RFC1: variants seen among roughly 807,000 people sequenced by gnomAD.
RFC1 encodes the protein A1 140 kDa subunit.
A neutral mutation model predicts 137.4 loss-of-function variants in RFC1; 37 were observed. The ratio of observed to expected loss-of-function variants is 0.27; its 90% confidence interval spans 0.21 to 0.35. The LOEUF is 0.35. Among genes scored for constraint, RFC1 ranks in the 10% least tolerant of loss-of-function variants. The pLI is 1.00. For synonymous variants in RFC1, 429 were observed against 455.7 expected, an observed-to-expected ratio of 0.94 and a Z score of 0.75; for missense variants, 1,205 against 1,358.5, an observed-to-expected ratio of 0.89 and a Z score of 1.78.
chr4:39,365,087 T>TA (rs1207558303), intron 1 of RFC1, among the ~76,000 whole-genome samples: 1 of 135,698 alleles, frequency 7.4e-6, no homozygotes, highest in Non-Finnish European at 1.5e-5. Context: ...AGTTATATGA[T>TA]ACACTGTTTA....
Position 39,302,684 on chromosome 4 carries a change from G to C in RFC1, c.2340+53C>G, listed in dbSNP as rs1738423493. 12 of 1,515,244 alleles carry C rather than the reference G, an allele frequency of 7.9e-6. No individual in the cohort carries two copies. The East Asian group carries it at 2.3e-4, about 29-fold the overall frequency. 93.9% of individuals were successfully genotyped at this position (1,515,244 alleles called of 1,614,324 possible). A position where few individuals can be genotyped will look rare whatever the true frequency, so the allele number is the denominator to read the frequency against. ...TATTTATCAGGTACTTTTAAAAATTGACCCTTAAATAAATAGGCTAGTGTG... is the reference window on the plus strand; with the variant it reads ...TATTTATCAGGTACTTTTAAAAATTCACCCTTAAATAAATAGGCTAGTGTG... On this transcript the variant is annotated intron_variant, in intron 17 of 24. Coordinates refer to ENST00000349703, the MANE Select transcript of RFC1 (RefSeq NM_002913.5).
rs1238503822 is a variant in RFC1 at position 39,306,809 on chromosome 4, G to C, written c.1886-108C>G. ...ACTTCACATAGACAGCTGTCCTCCAGTTTAGTTCTAAATTTGCAGACTATT... is the reference window on the plus strand; with the variant it reads ...ACTTCACATAGACAGCTGTCCTCCACTTTAGTTCTAAATTTGCAGACTATT... On this transcript the variant is annotated intron_variant, in intron 13 of 24. Coordinates refer to ENST00000349703, the MANE Select transcript of RFC1 (RefSeq NM_002913.5). 1.0e-5 allele frequency: 7 copies of C among 671,696 alleles called. No individual in the cohort carries two copies. The Admixed American group carries it at 1.7e-4, about 16-fold the overall frequency. The allele number at this position is 671,696 out of a possible 1,614,324, so 41.6% of individuals were successfully genotyped here. A position where few individuals can be genotyped will look rare whatever the true frequency, so the allele number is the denominator to read the frequency against.
At chr4:39,307,735 C>CAA (rs5857671) in intron 13 of RFC1, among the ~76,000 whole-genome samples, 121 of 148,338 alleles carry the variant, frequency 8.2e-4, no homozygotes, top group African/African-American at 1.4e-3. Context: ...CAAAACAAAA[C>CAA]AAAAAAAAAA....
chr4:39,344,797 A>T (rs1458369517), intron 3 of RFC1, among the ~76,000 whole-genome samples: 6 of 152,170 alleles, frequency 3.9e-5, no homozygotes. Context: ...TAAATTAATT[A>T]AATTAAATAA....
intron 10 of RFC1, among the ~76,000 whole-genome samples, chr4:39,315,379 G>A (rs1308985105): frequency 1.3e-5 from 2 of 152,152 alleles, no homozygotes; most frequent in East Asian, 3.9e-4. Flanking sequence ...TTTCCTTTTG[G>A]TTTCCACCCT....
At chr4:39,290,995 G>C (rs17288785) in intron 23 of RFC1, among the ~76,000 whole-genome samples, 3 of 152,042 alleles carry the variant, frequency 2.0e-5, no homozygotes, top group Non-Finnish European at 4.4e-5. Context: ...TCTAACAATG[G>C]ATGTCTGCTG....
intron 12 of RFC1, 101 bp downstream of exon 12, chr4:39,311,344 T>C: frequency 6.6e-6 from 6 of 902,518 alleles, no homozygotes; most frequent in Non-Finnish European, 8.6e-6. Context: ...GACAGGGATG[T>C]TAATCTTTCA....
chr4:39,320,349 CAAAAAAAAAAAA>C, intron 9 of RFC1, 22 bp downstream of exon 9: 1 of 1,118,568 alleles, frequency 8.9e-7, no homozygotes, highest in Non-Finnish European at 1.1e-6. Context: ...AACTCCATCT[CAAAAAAAAAAAA>C]AAAAAAAAAC....
chr4:39,317,614 G>A (rs1433700313), intron 9 of RFC1, among the ~76,000 whole-genome samples: 4 of 151,994 alleles, frequency 2.6e-5, no homozygotes, highest in Admixed American at 2.6e-4. Flanking sequence ...ATTTACCATA[G>A]GTATATCTCA....
intron 21 of RFC1, among the ~76,000 whole-genome samples, chr4:39,298,488 ACT>A (rs767933496): frequency 1.3e-5 from 2 of 152,238 alleles, no homozygotes; most frequent in Non-Finnish European, 2.9e-5. Flanking sequence ...AGAACGAATA[ACT>A]CTCTTAATTA....
chr4:39,290,838 G>A (rs1208904194), intron 23 of RFC1, among the ~76,000 whole-genome samples: 1 of 150,648 alleles, frequency 6.6e-6, no homozygotes, highest in Non-Finnish European at 1.5e-5. Flanking sequence ...GGTTGGGGGA[G>A]CTCATCACAA....
chr4:39,319,138 T>C (rs1287395336), intron 9 of RFC1, among the ~76,000 whole-genome samples: 1 of 152,248 alleles, frequency 6.6e-6, no homozygotes, highest in Non-Finnish European at 1.5e-5. Flanking sequence ...ATAGTTAAGA[T>C]GGCACTTATT....
At chr4:39,360,306 G>C (rs929546926) in intron 1 of RFC1, among the ~76,000 whole-genome samples, 4 of 152,064 alleles carry the variant, frequency 2.6e-5, no homozygotes, top group African/African-American at 9.6e-5. Flanking sequence ...TTTGAGAACA[G>C]CCTGGCCAAT....
chr4:39,324,366 T>C (rs1177252366), intron 6 of RFC1, among the ~76,000 whole-genome samples: 2 of 152,000 alleles, frequency 1.3e-5, no homozygotes, highest in African/African-American at 2.4e-5. Flanking sequence ...AATGGAAAAA[T>C]AGAGGATTGT....
At chr4:39,315,754 T>C (rs1739208355) in intron 10 of RFC1, among the ~76,000 whole-genome samples, 1 of 152,202 alleles carries the variant, frequency 6.6e-6, no homozygotes, top group Non-Finnish European at 1.5e-5. Flanking sequence ...TTGCCTCTTC[T>C]AGTGAAACCT....
At chr4:39,350,869 A>T (rs1741147951) in intron 2 of RFC1, among the ~76,000 whole-genome samples, 1 of 152,214 alleles carries the variant, frequency 6.6e-6, no homozygotes, top group Admixed American at 6.5e-5. Context: ...TTTTTTTAAA[A>T]AATACACATC....
chr4:39,317,501 G>A (rs1409222809), intron 9 of RFC1, among the ~76,000 whole-genome samples: 2 of 152,072 alleles, frequency 1.3e-5, no homozygotes, highest in East Asian at 3.9e-4. Context: ...ATTCCAGTAG[G>A]AGAATCTAAA....
At chr4:39,304,048 G>T (rs1488335873) in intron 15 of RFC1, among the ~76,000 whole-genome samples, 3 of 152,144 alleles carry the variant, frequency 2.0e-5, no homozygotes, top group African/African-American at 7.2e-5. Flanking sequence ...AATATTGCTG[G>T]ACTCTCTCCA....
At chr4:39,292,615 A>ATTAT (rs58733449) in intron 22 of RFC1, among the ~76,000 whole-genome samples, 17,137 of 143,954 alleles carry the variant, frequency 0.12, 1,605 homozygotes, top group African/African-American at 0.26. Context: ...ATATGTATAC[A>ATTAT]TTATTTATTT....
Sources: gnomAD v4.1 joint callset for allele counts (sites outside exome capture counted in the v4.1 genomes callset) on GRCh38, gnomAD v4.1.1 for gene constraint, MANE v1.5 for transcripts, NCBI Gene and HGNC (gene_info 2026-07-23, HGNC 2026-07-21) for gene names.